Variants in NKAIN2 observed in about 807,000 individuals in gnomAD.
NKAIN2 encodes sodium/potassium transporting ATPase interacting 2, also known as sodium/potassium-transporting ATPase subunit beta-1-interacting protein 2.
In NKAIN2, 14 loss-of-function variants were observed where a neutral mutation model predicts 32.6. That is an observed-to-expected ratio of 0.43 (90% CI 0.28 to 0.67). NKAIN2 has a LOEUF of 0.67. Among genes scored for constraint, NKAIN2 ranks in the 30% least tolerant of loss-of-function variants. The pLI is 0.17. For synonymous variants in NKAIN2, 80 were observed against 87.2 expected (o/e 0.92, Z 0.46); for missense variants, 198 against 258.3 (o/e 0.77, Z 1.60).
At chr6:124,336,697 C>T (rs1230119654) in intron 2 of NKAIN2, among the ~76,000 whole-genome samples, 6 of 127,556 alleles carry the variant, frequency 4.7e-5, no homozygotes, top group East Asian at 4.7e-4. Flanking sequence ...TTTTTTGAGA[C>T]GGAGTCTTGC....
chr6:124,770,229 G>T (rs182145326), intron 4 of NKAIN2, among the ~76,000 whole-genome samples: 1 of 152,076 alleles, frequency 6.6e-6, no homozygotes, highest in East Asian at 1.9e-4. Flanking sequence ...TATGTTATTG[G>T]TATCACCTGT....
chr6:124,091,244 C>T (rs1271125587), intron 1 of NKAIN2, among the ~76,000 whole-genome samples: 1 of 151,914 alleles, frequency 6.6e-6, no homozygotes, highest in Non-Finnish European at 1.5e-5. Flanking sequence ...GACCAAAGAA[C>T]TAACCTATGG....
At chr6:124,529,469 T>C (rs753094542) in intron 3 of NKAIN2, among the ~76,000 whole-genome samples, 25 of 152,202 alleles carry the variant, frequency 1.6e-4, no homozygotes, top group Non-Finnish European at 2.4e-4. Flanking sequence ...TTTAGTCTCA[T>C]TGGGGTGACT....
intron 3 of NKAIN2, among the ~76,000 whole-genome samples, chr6:124,472,737 A>C (rs1370674824): frequency 1.3e-5 from 2 of 151,678 alleles, no homozygotes; most frequent in African/African-American, 4.8e-5. Context: ...AAAAGACCAG[A>C]TTATGAAGGA....
intron 1 of NKAIN2, among the ~76,000 whole-genome samples, chr6:124,185,118 A>G (rs1220397304): frequency 6.6e-6 from 1 of 152,128 alleles, no homozygotes; most frequent in Non-Finnish European, 1.5e-5. Context: ...ATTTCTAGAC[A>G]CTTTGGCTTT....
At chr6:124,580,046 G>A (rs958864626) in intron 3 of NKAIN2, among the ~76,000 whole-genome samples, 1 of 152,124 alleles carries the variant, frequency 6.6e-6, no homozygotes, top group Non-Finnish European at 1.5e-5. Context: ...AAAGCTGAGG[G>A]ACTTCATCAA....
intron 1 of NKAIN2, among the ~76,000 whole-genome samples, chr6:124,066,122 T>G (rs1179524180): frequency 6.6e-6 from 1 of 152,128 alleles, no homozygotes; most frequent in Non-Finnish European, 1.5e-5. Flanking sequence ...GACCTGGCTA[T>G]CTAAAATATA....
intron 1 of NKAIN2, among the ~76,000 whole-genome samples, chr6:124,230,151 G>A (rs1285536014): frequency 4.6e-5 from 7 of 152,126 alleles, no homozygotes; most frequent in Non-Finnish European, 7.4e-5. Context: ...CTTGTTGAGA[G>A]CTGGAGCAAA....
chr6:124,740,764 G>A (rs1029685280), intron 4 of NKAIN2, among the ~76,000 whole-genome samples: 13 of 151,810 alleles, frequency 8.6e-5, no homozygotes, highest in Non-Finnish European at 1.8e-4. Flanking sequence ...AAGGAGCACA[G>A]TAGAGAACAA....
chr6:124,556,984 G>A (rs778553241), intron 3 of NKAIN2, among the ~76,000 whole-genome samples: 2 of 152,060 alleles, frequency 1.3e-5, no homozygotes, highest in African/African-American at 4.8e-5. Flanking sequence ...TGAAAATAAA[G>A]CATTTTATAT....
intron 1 of NKAIN2, among the ~76,000 whole-genome samples, chr6:124,021,993 C>T (rs540537929): frequency 2.6e-5 from 4 of 152,038 alleles, no homozygotes; most frequent in African/African-American, 9.6e-5. Flanking sequence ...GTGCTGCACC[C>T]ATTAACTCAT....
chr6:124,330,816 C>T (rs1253758323), intron 2 of NKAIN2, among the ~76,000 whole-genome samples: 2 of 152,150 alleles, frequency 1.3e-5, no homozygotes, highest in Admixed American at 6.5e-5. Flanking sequence ...AGTTCCTGAG[C>T]TCTGCCTCCT....
At chr6:124,668,671 A>AT (rs1772941718) in intron 4 of NKAIN2, among the ~76,000 whole-genome samples, 1 of 152,136 alleles carries the variant, frequency 6.6e-6, no homozygotes, top group African/African-American at 2.4e-5. Context: ...CATAAAAACA[A>AT]TTTTTCCTGA....
intron 1 of NKAIN2, among the ~76,000 whole-genome samples, chr6:124,187,000 T>A (rs1235024134): frequency 2.6e-5 from 4 of 152,162 alleles, no homozygotes; most frequent in African/African-American, 9.6e-5. Context: ...AACTGAACTC[T>A]ATATTTGCTG....
At chr6:124,117,206 G>T (rs555167341) in intron 1 of NKAIN2, among the ~76,000 whole-genome samples, 39 of 152,150 alleles carry the variant, frequency 2.6e-4, no homozygotes, top group Middle Eastern at 6.8e-3. Context: ...AAAATTCTGT[G>T]GGGAGGTCCA....
chr6:124,284,922 T>G (rs1036698641), intron 2 of NKAIN2, among the ~76,000 whole-genome samples: 41 of 152,094 alleles, frequency 2.7e-4, no homozygotes, highest in Non-Finnish European at 5.3e-4. Context: ...AAAAAAAATT[T>G]GGGCTTTCTA....
In NKAIN2 at chr6:123,932,543, A is replaced by G. The variant is rs978722021; in HGVS notation, c.54+128289A>G. 1.5e-4 allele frequency among the ~76,000 whole-genome samples: 23 copies of G among 151,108 alleles called. 1 individual carries two copies. The Middle Eastern group carries it at 0.01, about 67-fold the overall frequency. ...GCCATTCTCCTGCCTCAGCCTCCTG[A>G]GTAGCTGGGACTACAGGTGTCCGCC... On this transcript the variant is annotated intron_variant, in intron 1 of 6. Coordinates refer to ENST00000368417, the MANE Select transcript of NKAIN2 (RefSeq NM_001040214.3).
Position 124,309,990 on chromosome 6 carries a change from A to C in NKAIN2, c.192+26848A>C, listed in dbSNP as rs1796650374. Among the ~76,000 whole-genome samples the C allele has an allele frequency of 2.0e-5, 3 of 152,210 alleles. No homozygotes were observed. The South Asian group carries it at 6.2e-4, about 32-fold the overall frequency. Reference sequence around the variant, plus strand: ...TAAAAGAGGTAAAATTACTTAGTTCAGCTTATTTCCATACATAGGTCAGAC... The same window carrying C: ...TAAAAGAGGTAAAATTACTTAGTTCCGCTTATTTCCATACATAGGTCAGAC... On this transcript the variant is annotated intron_variant, in intron 2 of 6. Coordinates refer to ENST00000368417, the MANE Select transcript of NKAIN2 (RefSeq NM_001040214.3).
Position 124,406,754 on chromosome 6 carries a change from TTA to T in NKAIN2, c.273+51409_273+51410del, listed in dbSNP as rs1265859890. 2.0e-5 allele frequency among the ~76,000 whole-genome samples: 3 copies of T among 152,120 alleles called. No homozygotes were observed. The East Asian group carries it at 5.8e-4, about 29-fold the overall frequency. ...ATCATTGACAAAATTTGTTGTTTTT[TTA>T]TTTGAGTTATTTCAATAGGCATGTA... On this transcript the variant is annotated intron_variant, in intron 3 of 6. Coordinates refer to ENST00000368417, the MANE Select transcript of NKAIN2 (RefSeq NM_001040214.3).
Sources: gnomAD v4.1 joint callset for allele counts (sites outside exome capture counted in the v4.1 genomes callset) on GRCh38, gnomAD v4.1.1 for gene constraint, MANE v1.5 for transcripts, NCBI Gene and HGNC (gene_info 2026-07-23, HGNC 2026-07-21) for gene names.